The following PTPN12 variants were observed in gnomAD, a reference collection of about 807,000 sequenced individuals.
The protein encoded by PTPN12 is protein tyrosine phosphatase non-receptor type 12.
Under a neutral mutation model 97.6 loss-of-function variants are expected in PTPN12, and 29 were observed. The observed-to-expected ratio is 0.30, with a 90% CI of 0.22 to 0.41. The LOEUF is 0.41. PTPN12 is among the 10% of genes least tolerant of loss of function. The pLI is 1.00. For missense variants in PTPN12, 819 were observed against 926.0 expected (o/e 0.88, Z 1.50); for synonymous variants, 327 against 300.4 (o/e 1.09, Z -0.91).
At chr7:77,602,605 G>A (rs191579683) in intron 8 of PTPN12, among the ~76,000 whole-genome samples, 112 of 150,634 alleles carry the variant, frequency 7.4e-4, no homozygotes, top group African/African-American at 2.7e-3. Flanking sequence ...GGGTGACATA[G>A]TAGACCCTAT....
In PTPN12 at chr7:77,549,324, A is replaced by C. The variant is rs562204263; in HGVS notation, c.99+11679A>C. On this transcript the variant is annotated intron_variant, in intron 1 of 17. Coordinates refer to ENST00000248594, the MANE Select transcript of PTPN12 (RefSeq NM_002835.4). Reference sequence around the variant, plus strand: ...ATATGAACTCCACCCACCTTCTTTCAGAGATGGAAAAAGCACAAAGAGTCC... The same window carrying C: ...ATATGAACTCCACCCACCTTCTTTCCGAGATGGAAAAAGCACAAAGAGTCC... 5.9e-5 allele frequency among the ~76,000 whole-genome samples: 9 copies of C among 152,262 alleles called. No individual in the cohort carries two copies. In the East Asian group the frequency reaches 1.7e-3, roughly 29 times the overall value.
At chr7:77,538,143 G>C in intron 1 of PTPN12, 1 of 983,062 alleles carries the variant, frequency 1.0e-6, no homozygotes, top group Non-Finnish European at 1.2e-6. Flanking sequence ...TGCTCTAGCT[G>C]GTCTCAAAGC....
At chr7:77,542,658 A>C (rs1374729079) in intron 1 of PTPN12, among the ~76,000 whole-genome samples, 1 of 152,232 alleles carries the variant, frequency 6.6e-6, no homozygotes, top group Non-Finnish European at 1.5e-5. Context: ...CAAAATATCT[A>C]GCTTGGTATC....
chr7:77,576,514 C>T (rs1489703179), intron 2 of PTPN12, among the ~76,000 whole-genome samples: 11 of 151,954 alleles, frequency 7.2e-5, no homozygotes, highest in Admixed American at 5.2e-4. Context: ...CTGGCCAATA[C>T]GGTGAAACCC....
chr7:77,636,905 T>C (rs755292210), intron 15 of PTPN12, 113 bp from the exon 16 acceptor site: 28 of 713,908 alleles, frequency 3.9e-5, no homozygotes, highest in Non-Finnish European at 5.9e-5. Context: ...CCTCTGATGC[T>C]GAAAATGATA....
intron 1 of PTPN12, among the ~76,000 whole-genome samples, chr7:77,550,896 C>T (rs1807449768): frequency 6.6e-6 from 1 of 152,158 alleles, no homozygotes; most frequent in Non-Finnish European, 1.5e-5. Flanking sequence ...CTTGACTGGT[C>T]CACTTTTGCC....
rs150237681 is a variant in PTPN12 at position 77,551,221 on chromosome 7, C to A, written c.99+13576C>A. ...GATTACAGGTGTGCGCCACCACACC[C>A]AGCTAATTTTTGTATTTTTAGTATA... is the stretch of plus-strand genomic sequence containing the variant. On this transcript the variant is annotated intron_variant, in intron 1 of 17. Coordinates refer to ENST00000248594, the MANE Select transcript of PTPN12 (RefSeq NM_002835.4). Among the ~76,000 whole-genome samples, 658 of 152,186 alleles carry A rather than the reference C, an allele frequency of 4.3e-3. 7 individuals carry two copies. The highest frequency in any genetic ancestry group is 0.014 in the African/African-American group (584 of 41,532).
At chr7:77,567,477 A>G (rs1584119475) in intron 1 of PTPN12, among the ~76,000 whole-genome samples, 1 of 152,326 alleles carries the variant, frequency 6.6e-6, no homozygotes, top group Middle Eastern at 3.4e-3. Context: ...GAGACCACCA[A>G]CAAGCAAAGA....
chr7:77,579,367 C>T (rs780461682), intron 2 of PTPN12, among the ~76,000 whole-genome samples: 54 of 152,178 alleles, frequency 3.5e-4, no homozygotes, highest in African/African-American at 1.1e-3. Context: ...TCATGTGATC[C>T]GCCCACCTTG....
chr7:77,562,940 C>T (rs1808065717), intron 1 of PTPN12, among the ~76,000 whole-genome samples: 2 of 113,168 alleles, frequency 1.8e-5, no homozygotes, highest in African/African-American at 3.7e-5. Context: ...AAATCATTTG[C>T]TTATTGTCTA....
chr7:77,552,261 C>T (rs990124486), intron 1 of PTPN12, among the ~76,000 whole-genome samples: 6 of 151,958 alleles, frequency 3.9e-5, no homozygotes, highest in African/African-American at 1.4e-4. Context: ...GGACTACAGG[C>T]ATGAGCCACT....
intron 3 of PTPN12, among the ~76,000 whole-genome samples, chr7:77,582,298 A>G (rs1179158528): frequency 6.6e-6 from 1 of 151,514 alleles, no homozygotes; most frequent in Non-Finnish European, 1.5e-5. Flanking sequence ...CCCAGCGTCA[A>G]GTTCTTTATG....
Position 77,638,609 on chromosome 7 carries a change from T to A in PTPN12, c.2174-15T>A. The stretch of plus-strand genomic sequence containing the variant: ...AAAGGATGGTGATTAACAAAGGCTT[T>A]GTGTTGCTACTTAGATCATCCAGCG... On this transcript the variant is annotated splice_polypyrimidine_tract_variant and intron_variant, in intron 16 of 17. Transcript: ENST00000248594. 6.4e-7 allele frequency: 1 copy of A among 1,566,470 alleles called. No homozygotes were observed. Among genetic ancestry groups the A allele is most frequent in the Non-Finnish European group, 8.6e-7 (1 of 1,162,548 alleles).
At chr7:77,584,036 A>C (rs1411332143) in intron 4 of PTPN12, among the ~76,000 whole-genome samples, 1 of 152,308 alleles carries the variant, frequency 6.6e-6, no homozygotes, top group East Asian at 1.9e-4. Flanking sequence ...ATAGACTATA[A>C]ATATGCAGTA....
intron 17 of PTPN12, chr7:77,639,008 G>A (rs1372799653): frequency 3.0e-6 from 2 of 673,936 alleles, no homozygotes; most frequent in Non-Finnish European, 4.5e-6. Context: ...TTTATTTCCA[G>A]CATAAGATTT....
chr7:77,612,268 A>G (rs981365407), intron 11 of PTPN12, among the ~76,000 whole-genome samples: 4 of 152,100 alleles, frequency 2.6e-5, no homozygotes, highest in African/African-American at 7.2e-5. Context: ...CCAAGTGACA[A>G]TTTCACGTTT....
At chr7:77,634,100 TGAA>T (rs748666668) in intron 14 of PTPN12, among the ~76,000 whole-genome samples, 5 of 151,900 alleles carry the variant, frequency 3.3e-5, no homozygotes, top group Non-Finnish European at 7.4e-5. Context: ...CTCAGGAGGC[TGAA>T]GAAGAAGGAT....
chr7:77,590,873 TAA>T (rs763268073), intron 5 of PTPN12, among the ~76,000 whole-genome samples: 2 of 141,970 alleles, frequency 1.4e-5, no homozygotes. Flanking sequence ...CTCCATCTAT[TAA>T]AAAAAAAAAA....
At chr7:77,579,840 T>A (rs924492620) in intron 2 of PTPN12, among the ~76,000 whole-genome samples, 8 of 152,174 alleles carry the variant, frequency 5.3e-5, no homozygotes, top group Non-Finnish European at 1.0e-4. Flanking sequence ...AATAAATAGA[T>A]TAAAACATAC....
Sources: allele counts gnomAD v4.1 joint callset (sites outside exome capture counted in the v4.1 genomes callset), GRCh38; gene constraint gnomAD v4.1.1; transcripts MANE v1.5; gene names NCBI Gene and HGNC (gene_info 2026-07-23, HGNC 2026-07-21).